The following APP variants were observed in gnomAD, a reference collection of about 807,000 sequenced individuals.
APP encodes amyloid-beta precursor protein.
In APP, 31 loss-of-function variants were observed where a neutral mutation model predicts 101.4. The observed-to-expected ratio is 0.31, with a 90% confidence interval of 0.23 to 0.41. The LOEUF (loss-of-function observed/expected upper bound fraction) is 0.41. APP is among the 10% of genes least tolerant of loss of function. The probability of loss-of-function intolerance (pLI) is 1.00; values close to 1 mark genes in which losing one functional copy is unlikely to be tolerated. For missense variants in APP, 839 were observed against 1,003.7 expected, an observed-to-expected ratio of 0.84 and a Z score of 2.22; for synonymous variants, 366 against 364.4, an observed-to-expected ratio of 1.00 and a Z score of -0.05.
intron 6 of APP, among the ~76,000 whole-genome samples, chr21:26,007,102 C>T (rs1224052345): frequency 6.6e-6 from 1 of 151,842 alleles, no homozygotes; most frequent in Non-Finnish European, 1.5e-5. Flanking sequence ...ATTATTTTCT[C>T]CATACTCTAC....
chr21:26,014,154 T>C (rs919442796), intron 6 of APP, among the ~76,000 whole-genome samples: 1 of 152,202 alleles, frequency 6.6e-6, no homozygotes, highest in Non-Finnish European at 1.5e-5. Flanking sequence ...TTCATTTTTG[T>C]ACAGCATGCT....
intron 6 of APP, among the ~76,000 whole-genome samples, chr21:26,009,159 T>C (rs2043670401): frequency 6.6e-6 from 1 of 152,204 alleles, no homozygotes; most frequent in Admixed American, 6.5e-5. Context: ...CCAAAAGAAG[T>C]AGTTAGGGAA....
At chr21:26,055,378 A>C (rs1328527792) in intron 3 of APP, among the ~76,000 whole-genome samples, 1 of 152,242 alleles carries the variant, frequency 6.6e-6, no homozygotes, top group East Asian at 1.9e-4. Context: ...TGATAATGCA[A>C]ATGATACCAC....
chr21:26,029,936 GT>G (rs2044747286), intron 5 of APP, among the ~76,000 whole-genome samples: 1 of 152,068 alleles, frequency 6.6e-6, no homozygotes, highest in Non-Finnish European at 1.5e-5. Context: ...CCCCACTTAC[GT>G]TAGTGAATTA....
In APP at chr21:26,104,232, C is replaced by A. The variant is rs1297823133; in HGVS notation, c.225+7747G>T. Among the ~76,000 whole-genome samples the A allele has an allele frequency of 1.0e-4, 14 of 136,020 alleles. No individual in the cohort carries two copies. The Middle Eastern group carries it at 0.012, about 116-fold the overall frequency. 89.2% of individuals were successfully genotyped at this position (136,020 alleles called of 152,430 possible). The stretch of plus-strand genomic sequence containing the variant: ...ATCTCCGAATACCATCTCCGAATAG[C>A]CTGGGGTTAGGGTTTCAATATCTAA... On this transcript the variant is annotated intron_variant, in intron 2 of 17. Transcript: ENST00000346798.
intron 1 of APP, among the ~76,000 whole-genome samples, chr21:26,143,392 G>C (rs2146316396): frequency 6.6e-6 from 1 of 152,220 alleles, no homozygotes; most frequent in Middle Eastern, 3.4e-3. Context: ...TAGGTGTCCT[G>C]GTTAGGTCAC....
intron 3 of APP, among the ~76,000 whole-genome samples, chr21:26,080,550 C>A (rs1303693544): frequency 6.6e-6 from 1 of 151,528 alleles, no homozygotes; most frequent in African/African-American, 2.4e-5. Flanking sequence ...GGGTGGATCA[C>A]GAGGTCAGGA....
At chr21:25,958,279 A>G (rs985628534) in intron 11 of APP, among the ~76,000 whole-genome samples, 2 of 151,820 alleles carry the variant, frequency 1.3e-5, no homozygotes, top group African/African-American at 4.8e-5. Flanking sequence ...ACTAATTATT[A>G]TTATTATTAT....
chr21:25,885,723 G>A (rs1412995851), intron 17 of APP, among the ~76,000 whole-genome samples: 1 of 152,152 alleles, frequency 6.6e-6, no homozygotes. Context: ...AGCCTGACCA[G>A]CCTTGTTCTA....
chr21:26,120,279 C>T (rs1288205522), intron 1 of APP, among the ~76,000 whole-genome samples: 3 of 151,980 alleles, frequency 2.0e-5, no homozygotes, highest in Non-Finnish European at 4.4e-5. Flanking sequence ...CTCAAGTTGC[C>T]TTTTTTTAGG....
At chr21:26,032,206 A>T (rs566720745) in intron 5 of APP, among the ~76,000 whole-genome samples, 34 of 152,318 alleles carry the variant, frequency 2.2e-4, no homozygotes, top group African/African-American at 7.2e-4. Context: ...ATTGGTAAGT[A>T]TTAAGTATCT....
intron 17 of APP, among the ~76,000 whole-genome samples, chr21:25,883,931 G>GT (rs2037157984): frequency 6.6e-6 from 1 of 151,954 alleles, no homozygotes; most frequent in Admixed American, 6.5e-5. Flanking sequence ...TCTTGCTCTT[G>GT]TTGCCCAGGC....
In APP at chr21:26,168,643, T is replaced by C. The variant is rs146865638; in HGVS notation, c.57+1921A>G. ...TCAAAAATACGGTTATCATATGCTTTTAATTCCTTAAATGTATGGTTTTTA... is the reference window on the plus strand; with the variant it reads ...TCAAAAATACGGTTATCATATGCTTCTAATTCCTTAAATGTATGGTTTTTA... On this transcript the variant is annotated intron_variant, in intron 1 of 17. Coordinates refer to ENST00000346798, the MANE Select transcript of APP (RefSeq NM_000484.4). Among the ~76,000 whole-genome samples the C allele has an allele frequency of 6.2e-4, 94 of 152,354 alleles. 1 individual carries two copies. Among genetic ancestry groups the C allele is most frequent in the African/African-American group, 2.2e-3 (91 of 41,578 alleles).
chr21:25,954,897 CT>C (rs2041247881), intron 12 of APP, among the ~76,000 whole-genome samples: 2 of 149,446 alleles, frequency 1.3e-5, no homozygotes, highest in African/African-American at 2.5e-5. Flanking sequence ...GAAAGGGCAA[CT>C]TTATTTTTCT....
chr21:26,104,881 C>A (rs1259218441), intron 2 of APP, among the ~76,000 whole-genome samples: 1 of 151,984 alleles, frequency 6.6e-6, no homozygotes, highest in Non-Finnish European at 1.5e-5. Flanking sequence ...TTTGTTCTAT[C>A]CTAGGACCAG....
rs534079225 is a variant in APP, at chr21:25,935,648, C to T, written c.1687+18942G>A. Among the ~76,000 whole-genome samples, 28 of 151,898 alleles carry T rather than the reference C, an allele frequency of 1.8e-4. No individual in the cohort carries two copies. The East Asian group carries it at 3.7e-3, about 20-fold the overall frequency. On this transcript the variant is annotated intron_variant, in intron 13 of 17. Coordinates refer to ENST00000346798, the MANE Select transcript of APP (RefSeq NM_000484.4). ...CAAGGTCAGGAATTCGAGACCAGCC[C>T]GATCAACATACTGAAACCCCGTCTC...
At chr21:25,989,891 T>C (rs116079796) in intron 8 of APP, among the ~76,000 whole-genome samples, 3,019 of 151,632 alleles carry the variant, frequency 0.02, 88 homozygotes, top group African/African-American at 0.069. Context: ...CCGAGTGCCA[T>C]GCTTATTATA....
At chr21:25,917,657 C>G (rs2039419530) in intron 13 of APP, among the ~76,000 whole-genome samples, 1 of 152,246 alleles carries the variant, frequency 6.6e-6, no homozygotes, top group South Asian at 2.1e-4. Flanking sequence ...CAGCTTCTTC[C>G]ATCCACTGAA....
chr21:25,983,385 A>G (rs1380075700), intron 8 of APP, among the ~76,000 whole-genome samples: 1 of 152,230 alleles, frequency 6.6e-6, no homozygotes, highest in Non-Finnish European at 1.5e-5. Flanking sequence ...TGTTTCATTC[A>G]AAAGGTTATT....
Sources: gnomAD v4.1 joint callset for allele counts (sites outside exome capture counted in the v4.1 genomes callset) on GRCh38, gnomAD v4.1.1 for gene constraint, MANE v1.5 for transcripts, NCBI Gene and HGNC (gene_info 2026-07-23, HGNC 2026-07-21) for gene names.